BCHE: variants seen among roughly 807,000 people sequenced by gnomAD.
The protein encoded by BCHE is cholinesterase.
Under a neutral mutation model 51.3 loss-of-function variants are expected in BCHE, and 48 were observed. The ratio of observed to expected loss-of-function variants is 0.94; its 90% CI spans 0.74 to 1.19. BCHE has a LOEUF of 1.19. Among genes scored for constraint, BCHE ranks in the 50% most tolerant of loss-of-function variants. The probability of loss-of-function intolerance (pLI) is 0.00; values close to 1 mark genes in which losing one functional copy is unlikely to be tolerated. For missense variants in BCHE, 847 were observed against 708.2 expected, an observed-to-expected ratio of 1.20 and a Z score of -2.23; for synonymous variants, 251 against 238.0, an observed-to-expected ratio of 1.05 and a Z score of -0.50.
At chr3:165,784,423 T>C (rs550510205) in intron 3 of BCHE, among the ~76,000 whole-genome samples, 2 of 152,012 alleles carry the variant, frequency 1.3e-5, no homozygotes, top group Non-Finnish European at 2.9e-5. Context: ...AACCTTATTA[T>C]GGGGGAATTA....
intron 2 of BCHE, among the ~76,000 whole-genome samples, chr3:165,794,577 T>C (rs1353312526): frequency 2.0e-5 from 3 of 152,184 alleles, no homozygotes; most frequent in African/African-American, 4.8e-5. Context: ...AGGGAGCTAT[T>C]TGAGGTCTCT....
intron 3 of BCHE, chr3:165,778,833 C>A (rs1278976298): frequency 1.0e-5 from 3 of 289,070 alleles, no homozygotes; most frequent in Non-Finnish European, 1.5e-5. Context: ...ATAAGATGTC[C>A]AGAAAACATT....
intron 2 of BCHE, among the ~76,000 whole-genome samples, chr3:165,827,393 TTTTA>T (rs1393106816): frequency 2.0e-5 from 3 of 151,586 alleles, no homozygotes; most frequent in Non-Finnish European, 4.4e-5. Context: ...AAATGTCAAT[TTTTA>T]TTTATTTCCC....
chr3:165,823,464 G>C (rs1389058077), intron 2 of BCHE, among the ~76,000 whole-genome samples: 1 of 151,914 alleles, frequency 6.6e-6, no homozygotes, highest in Non-Finnish European at 1.5e-5. Context: ...TTCAGAAACT[G>C]GATAATGGGC....
chr3:165,816,989 A>G (rs1714337158), intron 2 of BCHE, among the ~76,000 whole-genome samples: 1 of 152,114 alleles, frequency 6.6e-6, no homozygotes. Flanking sequence ...AAACAATTTA[A>G]TTTAAATATT....
intron 2 of BCHE, among the ~76,000 whole-genome samples, chr3:165,802,101 A>G (rs1261589184): frequency 6.6e-6 from 1 of 152,216 alleles, no homozygotes; most frequent in Non-Finnish European, 1.5e-5. Context: ...TGAGAACTGT[A>G]TGCTGCATGG....
chr3:165,830,567 T>C lies in BCHE; in HGVS notation c.467A>G (p.Tyr156Cys), dbSNP rs121918558. ...AACCCGAGCCAGAAACTTGCCATCA[T>C]AAACATGTAAAGATGATGTTCCAGT... ...FQTGTSSLHVYDGKFLARVER... is the reference protein window; with the variant it reads ...FQTGTSSLHVCDGKFLARVER... The change falls in exon 2 of 4, where the codon TAT (tyrosine) becomes TGT (cysteine). Residue 156 changes from tyrosine (Y) to cysteine (C), a missense_variant. Physicochemically the swap from Tyr to Cys is radical, Grantham distance 194. Transcript: ENST00000264381. 1.9e-6 allele frequency: 3 copies of C among 1,614,006 alleles called. No homozygotes were observed. Among genetic ancestry groups the C allele is most frequent in the Non-Finnish European group, 1.7e-6 (2 of 1,179,952 alleles).
rs1392499900 is a variant in BCHE at position 165,773,370 on chromosome 3, T to C, written c.*12A>G. 1 of 1,608,188 alleles carries C rather than the reference T, an allele frequency of 6.2e-7. No individual in the cohort carries two copies. Among genetic ancestry groups the C allele is most frequent in the Non-Finnish European group, 8.5e-7 (1 of 1,175,686 alleles). Reference sequence around the variant, plus strand: ...AAAGGAAAATATGTTCTATAAAGGGTAAATCTATTAATTAGAGACCCACAC... The same window carrying C: ...AAAGGAAAATATGTTCTATAAAGGGCAAATCTATTAATTAGAGACCCACAC... On this transcript the variant is annotated 3_prime_UTR_variant, in exon 4 of 4. Transcript: ENST00000264381.
At position 165,829,562 on chromosome 3, in the gene BCHE, A is replaced by G; in HGVS notation, c.1472T>C (p.Leu491Ser). ...CCACCGTTTCACTATGGATCTACTC[A>G]AAATTTCCTCGGCTTTTGTGTAATT... ...RDNYTKAEEI[L>S]SRSIVKRWAN... The change falls in exon 2 of 4, where the codon TTG becomes TCG. Residue 491 changes from leucine (L) to serine (S), a missense_variant. Leu to Ser is a moderately radical substitution (Grantham distance 145). Transcript: ENST00000264381. The G allele has an allele frequency of 6.2e-7, 1 of 1,613,826 alleles. No homozygotes were observed. Among genetic ancestry groups the G allele is most frequent in the Non-Finnish European group, 8.5e-7 (1 of 1,179,828 alleles).
chr3:165,822,708 A>T lies in BCHE; in HGVS notation c.1517+6809T>A, dbSNP rs149940832. Among the ~76,000 whole-genome samples the T allele has an allele frequency of 3.7e-3, 566 of 152,196 alleles. 4 individuals are homozygous for T. Among genetic ancestry groups the T allele is most frequent in the African/African-American group, 0.013 (541 of 41,556 alleles). The stretch of plus-strand genomic sequence containing the variant: ...CAAGGGAGGATATTGTAAAGAAAAG[A>T]TCATCTGCAAGAGTAGAAAGAAGCT... On this transcript the variant is annotated intron_variant, in intron 2 of 3. Coordinates refer to ENST00000264381, the MANE Select transcript of BCHE (RefSeq NM_000055.4).
At chr3:165,774,521 A>C (rs1228768518) in intron 3 of BCHE, among the ~76,000 whole-genome samples, 3 of 151,906 alleles carry the variant, frequency 2.0e-5, no homozygotes, top group Non-Finnish European at 4.4e-5. Context: ...CTTTTGGTAG[A>C]GATGGGGTTT....
At chr3:165,790,880 G>C (rs77583754) in intron 2 of BCHE, among the ~76,000 whole-genome samples, 1,584 of 152,238 alleles carry the variant, frequency 0.01, 59 homozygotes, top group East Asian at 0.078. Context: ...AAGGGAATGA[G>C]TGTAGGAGGT....
At chr3:165,774,724 A>G (rs1449014918) in intron 3 of BCHE, among the ~76,000 whole-genome samples, 2 of 152,202 alleles carry the variant, frequency 1.3e-5, no homozygotes, top group Non-Finnish European at 2.9e-5. Context: ...TAAAATAGAA[A>G]GATGATTCAG....
chr3:165,789,852 G>T (rs754320362), intron 2 of BCHE, among the ~76,000 whole-genome samples: 8 of 152,086 alleles, frequency 5.3e-5, no homozygotes, highest in Non-Finnish European at 8.8e-5. Context: ...TATTTATAAA[G>T]TGTGTACTAG....
At chr3:165,809,244 T>C (rs985567792) in intron 2 of BCHE, among the ~76,000 whole-genome samples, 22 of 152,218 alleles carry the variant, frequency 1.4e-4, no homozygotes, top group African/African-American at 5.3e-4. Context: ...TCTTGAGGGA[T>C]TGGATGGACA....
chr3:165,828,789 T>C (rs1714830210), intron 2 of BCHE, among the ~76,000 whole-genome samples: 1 of 152,156 alleles, frequency 6.6e-6, no homozygotes, highest in Admixed American at 6.6e-5. Context: ...AAATATATTC[T>C]AAATGGTTAT....
intron 1 of BCHE, among the ~76,000 whole-genome samples, chr3:165,831,396 C>T (rs931008902): frequency 1.3e-5 from 2 of 152,076 alleles, no homozygotes; most frequent in African/African-American, 4.8e-5. Flanking sequence ...AAACAGTAGT[C>T]TACCTACATC....
chr3:165,811,071 G>T (rs1332886741), intron 2 of BCHE, among the ~76,000 whole-genome samples: 1 of 152,024 alleles, frequency 6.6e-6, no homozygotes, highest in African/African-American at 2.4e-5. Flanking sequence ...TATTTAAGAC[G>T]CAAGAAATCT....
At chr3:165,793,931 C>T (rs189192539) in intron 2 of BCHE, among the ~76,000 whole-genome samples, 265 of 152,122 alleles carry the variant, frequency 1.7e-3, no homozygotes, top group African/African-American at 6.2e-3. Flanking sequence ...CCTGTAGTCC[C>T]AGCTCCTCGG....
Sources: gnomAD v4.1 joint callset for allele counts (sites outside exome capture counted in the v4.1 genomes callset) on GRCh38, gnomAD v4.1.1 for gene constraint, MANE v1.5 for transcripts, NCBI Gene and HGNC (gene_info 2026-07-23, HGNC 2026-07-21) for gene names.